SPATA45: variants seen among roughly 807,000 people sequenced by gnomAD.
The protein encoded by SPATA45 is spermatogenesis associated 45.
SPATA45 carries 5 observed loss-of-function variants against 7.0 expected under a neutral mutation model. The ratio of observed to expected loss-of-function variants is 0.71; its 90% CI spans 0.37 to 1.50. The LOEUF (loss-of-function observed/expected upper bound fraction) is 1.50. Among genes scored for constraint, SPATA45 ranks in the 40% most tolerant of loss-of-function variants. SPATA45 has a pLI of 0.03. For missense variants in SPATA45, 111 were observed against 114.9 expected, an observed-to-expected ratio of 0.97 and a Z score of 0.16; for synonymous variants, 40 against 38.7, an observed-to-expected ratio of 1.03 and a Z score of -0.13.
intron 2 of SPATA45, among the ~76,000 whole-genome samples, chr1:212,832,523 G>A: frequency 6.6e-6 from 1 of 151,142 alleles, no homozygotes; most frequent in East Asian, 1.9e-4. Flanking sequence ...GCTTTTTGAG[G>A]CAAGATTTTA....
intron 2 of SPATA45, among the ~76,000 whole-genome samples, chr1:212,830,672 CAAAA>C (rs35293333): frequency 7.4e-6 from 1 of 135,716 alleles, no homozygotes. Context: ...ACTCCGACTC[CAAAA>C]AAAAAAAAAG....
At chr1:212,830,685 A>T (rs1181375072) in intron 2 of SPATA45, among the ~76,000 whole-genome samples, 29 of 135,872 alleles carry the variant, frequency 2.1e-4, no homozygotes, top group Admixed American at 8.9e-4. Flanking sequence ...AAAAAAAAAA[A>T]GAAACACCAA....
chr1:212,832,291 A>T (rs1187251419), intron 2 of SPATA45, among the ~76,000 whole-genome samples: 1 of 147,160 alleles, frequency 6.8e-6, no homozygotes, highest in Non-Finnish European at 1.5e-5. Context: ...GGCGTGAGCC[A>T]CTGTGCCCGG....
At position 212,830,167 on chromosome 1, in the gene SPATA45, T is replaced by C; in HGVS notation, c.*75A>G. The C allele has an allele frequency of 9.3e-7, 1 of 1,079,800 alleles. No homozygotes were observed. The allele number at this position is 1,079,800 out of a possible 1,614,324, so 66.9% of individuals were successfully genotyped here. A position where few individuals can be genotyped will look rare whatever the true frequency, so the allele number is the denominator to read the frequency against. On this transcript the variant is annotated 3_prime_UTR_variant, in exon 3 of 3. Transcript: ENST00000332912. The stretch of plus-strand genomic sequence containing the variant: ...TTTGTTTAGCTTTGTTTATAATTAA[T>C]AATTTGTAAATAATTTAGACACACT...
intron 1 of SPATA45, 49 bp from the exon 2 acceptor site, chr1:212,836,236 C>T: frequency 7.4e-7 from 1 of 1,357,436 alleles, no homozygotes; most frequent in Non-Finnish European, 1.0e-6. Flanking sequence ...GACTCAGAAG[C>T]CAGTATTCAC....
chr1:212,846,638 G>A (rs111325995), intron 1 of SPATA45, among the ~76,000 whole-genome samples: 3,494 of 152,180 alleles, frequency 0.023, 62 homozygotes, highest in South Asian at 0.041. Context: ...CCTGCCCTTA[G>A]GAATGTACTT....
intron 1 of SPATA45, among the ~76,000 whole-genome samples, chr1:212,844,364 C>T (rs1022568868): frequency 2.6e-5 from 4 of 152,154 alleles, no homozygotes; most frequent in Non-Finnish European, 5.9e-5. Context: ...CTCTTTGCTG[C>T]GTCTCCCACA....
At chr1:212,835,459 G>T (rs1484150731) in intron 2 of SPATA45, among the ~76,000 whole-genome samples, 4 of 151,646 alleles carry the variant, frequency 2.6e-5, no homozygotes, top group African/African-American at 9.7e-5. Flanking sequence ...CCAGATGGAG[G>T]TTGCTGTAAG....
intron 1 of SPATA45, among the ~76,000 whole-genome samples, chr1:212,845,511 C>A (rs964693377): frequency 6.6e-6 from 1 of 152,068 alleles, no homozygotes; most frequent in East Asian, 1.9e-4. Flanking sequence ...GATAATGGAC[C>A]GGCCTTTATT....
intron 2 of SPATA45, among the ~76,000 whole-genome samples, chr1:212,831,794 A>G (rs929420089): frequency 2.6e-5 from 4 of 151,240 alleles, no homozygotes; most frequent in African/African-American, 9.7e-5. Flanking sequence ...AGGTTCGACC[A>G]TCAGGACTAA....
chr1:212,834,468 T>G (rs939996724), intron 2 of SPATA45, among the ~76,000 whole-genome samples: 11 of 150,990 alleles, frequency 7.3e-5, no homozygotes, highest in African/African-American at 2.7e-4. Context: ...TTTTTTTTTT[T>G]GAGAAGGAGT....
rs557603088 is a variant in SPATA45, at chr1:212,841,476, T to G, written c.-38-5289A>C. On this transcript the variant is annotated intron_variant, in intron 1 of 2. Coordinates refer to ENST00000332912, the MANE Select transcript of SPATA45 (RefSeq NM_001024601.3). ...CTGTGCCTCACATTAATTATTCTTT[T>G]TATTGCTAGACTTTAGGTTGTTTTT... Among the ~76,000 whole-genome samples, 22 of 151,630 alleles carry G rather than the reference T, an allele frequency of 1.5e-4. 1 individual carries two copies. Among genetic ancestry groups the G allele is most frequent in the South Asian group, 1.0e-3 (5 of 4,816 alleles).
intron 1 of SPATA45, among the ~76,000 whole-genome samples, chr1:212,838,041 C>T (rs2102510859): frequency 6.6e-6 from 1 of 151,766 alleles, no homozygotes; most frequent in Non-Finnish European, 1.5e-5. Flanking sequence ...TGGCTCACAC[C>T]TACAATCCCA....
intron 1 of SPATA45, among the ~76,000 whole-genome samples, chr1:212,840,013 G>A (rs1360928047): frequency 6.6e-6 from 1 of 151,726 alleles, no homozygotes; most frequent in Non-Finnish European, 1.5e-5. Flanking sequence ...TATAGTTATT[G>A]TGAGAATTTT....
Position 212,836,204 on chromosome 1 carries a change from A to G in SPATA45, c.-38-17T>C. The G allele has an allele frequency of 1.4e-6, 2 of 1,469,712 alleles. No individual in the cohort carries two copies. The highest frequency in any genetic ancestry group is 1.9e-6 in the Non-Finnish European group (2 of 1,078,468). The allele number at this position is 1,469,712 out of a possible 1,614,324, so 91.0% of individuals were successfully genotyped here. A position where few individuals can be genotyped will look rare whatever the true frequency, so the allele number is the denominator to read the frequency against. ...CTTGCTGTCCTACAAACAAATGAAAAAATACTTTCAATTGTCTTTTTGACT... is the reference window on the plus strand; with the variant it reads ...CTTGCTGTCCTACAAACAAATGAAAGAATACTTTCAATTGTCTTTTTGACT... On this transcript the variant is annotated splice_polypyrimidine_tract_variant and intron_variant, in intron 1 of 2. Transcript: ENST00000332912.
chr1:212,838,507 C>CA (rs1663628086), intron 1 of SPATA45, among the ~76,000 whole-genome samples: 1 of 151,540 alleles, frequency 6.6e-6, no homozygotes, highest in African/African-American at 2.4e-5. Flanking sequence ...GGAAAATAAT[C>CA]ATGCAGCTTC....
At chr1:212,832,575 T>C (rs1186818870) in intron 2 of SPATA45, among the ~76,000 whole-genome samples, 2 of 151,364 alleles carry the variant, frequency 1.3e-5, no homozygotes, top group Non-Finnish European at 3.0e-5. Flanking sequence ...GTGCCTGACA[T>C]CAAGTAAGCA....
chr1:212,845,118 C>T (rs1425804150), intron 1 of SPATA45, among the ~76,000 whole-genome samples: 1 of 152,216 alleles, frequency 6.6e-6, no homozygotes, highest in Non-Finnish European at 1.5e-5. Context: ...ATTCTGTTGT[C>T]ATTTCATAAT....
intron 1 of SPATA45, among the ~76,000 whole-genome samples, chr1:212,843,766 A>C (rs1313451149): frequency 6.6e-6 from 1 of 152,180 alleles, no homozygotes; most frequent in Non-Finnish European, 1.5e-5. Context: ...CAATCTCTTA[A>C]ATGGAGATAA....
Sources: allele counts gnomAD v4.1 joint callset (sites outside exome capture counted in the v4.1 genomes callset), GRCh38; gene constraint gnomAD v4.1.1; transcripts MANE v1.5; gene names NCBI Gene and HGNC (gene_info 2026-07-23, HGNC 2026-07-21).